Variants in C12orf42 observed in about 807,000 individuals in gnomAD.
C12orf42 encodes chromosome 12 open reading frame 42, also known as uncharacterized protein C12orf42.
In C12orf42, 25 loss-of-function variants were observed where a neutral mutation model predicts 21.6. The observed-to-expected ratio is 1.16, with a 90% CI of 0.84 to 1.62. The LOEUF (loss-of-function observed/expected upper bound fraction) is 1.62, where lower values mean the gene tolerates loss of function less well. Ranked by LOEUF, C12orf42 falls within the 40% of genes most tolerant of loss-of-function variation. The pLI is 0.00. For missense variants in C12orf42, 483 were observed against 459.3 expected (o/e 1.05, Z -0.47); for synonymous variants, 174 against 175.0 (o/e 0.99, Z 0.05).
the C12orf42 span, among the ~76,000 whole-genome samples, chr12:103,218,744 G>C: frequency 6.6e-6 from 1 of 152,146 alleles, no homozygotes; most frequent in Admixed American, 6.5e-5. Flanking sequence ...ATATGAGGCA[G>C]AAAATAAGAA....
At chr12:103,064,689 T>G in the C12orf42 span, among the ~76,000 whole-genome samples, 13 of 152,312 alleles carry the variant, frequency 8.5e-5, no homozygotes, top group East Asian at 3.9e-4. Context: ...GCTGTTAATC[T>G]TTCTCCCATC....
At chr12:103,181,000 A>C in the C12orf42 span, among the ~76,000 whole-genome samples, 105 of 152,058 alleles carry the variant, frequency 6.9e-4, no homozygotes, top group African/African-American at 2.4e-3. Context: ...GCGGTGGGTC[A>C]CGCCTGTAAT....
chr12:103,516,792 C>T, the C12orf42 span, among the ~76,000 whole-genome samples: 1 of 152,084 alleles, frequency 6.6e-6, no homozygotes, highest in Non-Finnish European at 1.5e-5. Context: ...TGAAGAAAAA[C>T]AGGACTTTAT....
the C12orf42 span, among the ~76,000 whole-genome samples, chr12:103,053,806 T>C: frequency 6.6e-6 from 1 of 151,958 alleles, no homozygotes; most frequent in Non-Finnish European, 1.5e-5. Flanking sequence ...ATTTTTACGA[T>C]GGCCTGTGAA....
At chr12:103,309,061 A>T (rs758456420) in intron 4 of C12orf42, among the ~76,000 whole-genome samples, 1 of 152,214 alleles carries the variant, frequency 6.6e-6, no homozygotes, top group Non-Finnish European at 1.5e-5. Flanking sequence ...GGTCTCCAGA[A>T]TTTGTGAAAA....
the C12orf42 span, among the ~76,000 whole-genome samples, chr12:103,097,601 G>A: frequency 6.6e-6 from 1 of 152,142 alleles, no homozygotes; most frequent in Non-Finnish European, 1.5e-5. Flanking sequence ...ATGGTTCCCT[G>A]GCCAACATAA....
At chr12:103,287,147 G>A (rs1001601661) in intron 4 of C12orf42, among the ~76,000 whole-genome samples, 6 of 152,206 alleles carry the variant, frequency 3.9e-5, no homozygotes, top group Non-Finnish European at 7.3e-5. Flanking sequence ...TCGGTGTGGC[G>A]ATTCCTCTGG....
At chr12:103,250,093 A>G (rs1256988465) in intron 10 of C12orf42, among the ~76,000 whole-genome samples, 1 of 141,596 alleles carries the variant, frequency 7.1e-6, no homozygotes, top group Non-Finnish European at 1.5e-5. Context: ...CTATCTATCT[A>G]TCTATCTATC....
At chr12:103,185,007 T>G in the C12orf42 span, among the ~76,000 whole-genome samples, 2 of 152,122 alleles carry the variant, frequency 1.3e-5, no homozygotes, top group African/African-American at 4.8e-5. Context: ...GATTTTCACC[T>G]TCCAAAATGA....
At chr12:103,182,449 G>C in the C12orf42 span, among the ~76,000 whole-genome samples, 7 of 152,178 alleles carry the variant, frequency 4.6e-5, no homozygotes, top group Non-Finnish European at 1.0e-4. Flanking sequence ...AGGAGGAGCA[G>C]AGCAGGAATG....
the C12orf42 span, among the ~76,000 whole-genome samples, chr12:103,553,954 C>A: frequency 6.6e-6 from 1 of 152,260 alleles, no homozygotes; most frequent in East Asian, 1.9e-4. Context: ...GCAAATCCCT[C>A]AGAAGGAAGT....
At chr12:103,155,862 T>C in the C12orf42 span, among the ~76,000 whole-genome samples, 1 of 150,712 alleles carries the variant, frequency 6.6e-6, no homozygotes, top group African/African-American at 2.4e-5. Flanking sequence ...TATGAGTGTA[T>C]ATATACATAT....
At chr12:103,116,265 G>T in the C12orf42 span, among the ~76,000 whole-genome samples, 3 of 151,800 alleles carry the variant, frequency 2.0e-5, no homozygotes, top group African/African-American at 7.3e-5. Flanking sequence ...TCGGGAGGCT[G>T]AGGCGGGAAA....
intron 2 of C12orf42, among the ~76,000 whole-genome samples, chr12:103,449,122 G>GATAA (rs1951771393): frequency 4.0e-5 from 6 of 151,810 alleles, no homozygotes; most frequent in African/African-American, 1.5e-4. Flanking sequence ...TAGATAGATA[G>GATAA]ATAGATAGAC....
chr12:103,490,089 A>C (rs918670604), intron 1 of C12orf42, among the ~76,000 whole-genome samples: 1 of 152,194 alleles, frequency 6.6e-6, no homozygotes, highest in Non-Finnish European at 1.5e-5. Context: ...TTGGAACAGG[A>C]ACCCAAACTA....
At chr12:103,057,471 A>G in the C12orf42 span, among the ~76,000 whole-genome samples, 3 of 151,994 alleles carry the variant, frequency 2.0e-5, no homozygotes, top group Non-Finnish European at 4.4e-5. Context: ...CTATTCCTAT[A>G]TTACTTTGCT....
At chr12:103,400,708 G>C (rs2047918781) in intron 3 of C12orf42, among the ~76,000 whole-genome samples, 1 of 152,014 alleles carries the variant, frequency 6.6e-6, no homozygotes, top group Admixed American at 6.5e-5. Flanking sequence ...TTCTACTCTT[G>C]AATCGTATTT....
rs191460123 is a variant in C12orf42 at position 103,290,297 on chromosome 12, C to G, written n.338-13087G>C. ...AAAGTCACTCAGGAACAACAGCTTA[C>G]TTTGTCTCCTTCCTCTAGCCAACTC... On this transcript the variant is annotated intron_variant and non_coding_transcript_variant, in intron 4 of 6. Coordinates refer to the C12orf42 transcript ENST00000546526. Among the ~76,000 whole-genome samples, 4 of 152,300 alleles carry G rather than the reference C, an allele frequency of 2.6e-5. No individual in the cohort carries two copies. In the East Asian group the frequency reaches 7.7e-4, roughly 29 times the overall value.
At chr12:103,561,833 G>T in the C12orf42 span, among the ~76,000 whole-genome samples, 1 of 152,098 alleles carries the variant, frequency 6.6e-6, no homozygotes, top group African/African-American at 2.4e-5. Context: ...TACACTAGAT[G>T]ATCTGGGACT....
Sources: allele counts gnomAD v4.1 joint callset (sites outside exome capture counted in the v4.1 genomes callset), GRCh38; gene constraint gnomAD v4.1.1; transcripts MANE v1.5; gene names NCBI Gene and HGNC (gene_info 2026-07-23, HGNC 2026-07-21).